Variants in ZNF273 observed in about 807,000 individuals in gnomAD.
ZNF273 encodes the protein zinc finger protein 273.
ZNF273 carries 11 observed loss-of-function variants against 14.9 expected under a neutral mutation model. The observed-to-expected ratio is 0.74, with a 90% confidence interval of 0.46 to 1.22. ZNF273 has a LOEUF of 1.22. Among genes scored for constraint, ZNF273 ranks in the 50% most tolerant of loss-of-function variants. The probability of loss-of-function intolerance (pLI) is 0.00; values close to 1 mark genes in which losing one functional copy is unlikely to be tolerated. For missense variants in ZNF273, 577 were observed against 660.6 expected (o/e 0.87, Z 1.39); for synonymous variants, 199 against 223.9 (o/e 0.89, Z 0.99).
At chr7:64,933,912 CTT>C (rs956064231), downstream of ZNF273, among the ~76,000 whole-genome samples, 5 of 152,084 alleles carry the variant, frequency 3.3e-5, no homozygotes, top group Non-Finnish European at 5.9e-5. Context: ...TTTCTTAGCA[CTT>C]TTCATTTTTT....
At chr7:64,903,106 C>T (rs1033111698), upstream of ZNF273, 13 of 468,720 alleles carry the variant, frequency 2.8e-5, no homozygotes, top group Non-Finnish European at 4.6e-5. Context: ...GTTTAGGTTT[C>T]ATTCTATCTT....
At chr7:64,923,779 T>C (rs1420513980) in intron 3 of ZNF273, 1 of 167,494 alleles carries the variant, frequency 6.0e-6, no homozygotes, top group Non-Finnish European at 1.3e-5. Context: ...ACCACATATG[T>C]GAAAGTATAT....
rs575692980 is a variant in ZNF273, at chr7:64,928,536, A to G, written c.1208A>G (p.Lys403Arg). ...GTTCATACTGGAGAGAAACCCTACAAATGTGAAGAATGTGGTAAAGCCTTT... is the reference window on the plus strand; with the variant it reads ...GTTCATACTGGAGAGAAACCCTACAGATGTGAAGAATGTGGTAAAGCCTTT... ...KIVHTGEKPYKCEECGKAFKR... is the reference protein window; with the variant it reads ...KIVHTGEKPYRCEECGKAFKR... The change falls in exon 4 of 4, where the codon AAA (lysine) becomes AGA (arginine). Residue 403 changes from lysine (K) to arginine (R), a missense_variant. This residue lies in a region of ZNF273 where 411 missense variants were observed against 440.4 expected (regional missense o/e 0.93). Coordinates refer to ENST00000476120, the MANE Select transcript of ZNF273 (RefSeq NM_021148.3). 1.1e-5 allele frequency: 17 copies of G among 1,613,988 alleles called. No individual in the cohort carries two copies. The South Asian group carries it at 1.8e-4, about 17-fold the overall frequency.
intron 3 of ZNF273, among the ~76,000 whole-genome samples, chr7:64,922,551 A>G (rs1481725449): frequency 6.6e-6 from 1 of 151,846 alleles, no homozygotes; most frequent in African/African-American, 2.4e-5. Context: ...ACCTCAAGTG[A>G]TCCTCCTGCC....
intron 1 of ZNF273, among the ~76,000 whole-genome samples, chr7:64,913,880 T>G (rs189559876): frequency 1.3e-5 from 2 of 152,176 alleles, no homozygotes; most frequent in Non-Finnish European, 1.5e-5. Context: ...AGGCTTCTAA[T>G]GAGGATTACA....
At chr7:64,933,291 A>T (rs750137309), downstream of ZNF273, 4 of 151,998 alleles carry the variant, frequency 2.6e-5, no homozygotes, top group Non-Finnish European at 4.4e-5. Context: ...CTTAATATAT[A>T]TTTTTTTGGT....
downstream of ZNF273, among the ~76,000 whole-genome samples, chr7:64,890,506 C>T (rs1791941536): frequency 1.3e-5 from 2 of 152,116 alleles, no homozygotes; most frequent in Non-Finnish European, 1.5e-5. Flanking sequence ...GACGAACTCC[C>T]TTCCCAACAC....
chr7:64,896,750 A>G (rs1462428660), intron 3 of ZNF273, among the ~76,000 whole-genome samples: 1 of 152,196 alleles, frequency 6.6e-6, no homozygotes, highest in African/African-American at 2.4e-5. Context: ...TCATGACCCA[A>G]ATCAAGCTCA....
At chr7:64,904,567 A>G in intron 1 of ZNF273, among the ~76,000 whole-genome samples, 1 of 152,006 alleles carries the variant, frequency 6.6e-6, no homozygotes, top group East Asian at 1.9e-4. Context: ...CTTCAGCCTA[A>G]CTCTGGCTTG....
downstream of ZNF273, chr7:64,933,728 C>A (rs1795036556): frequency 6.6e-6 from 1 of 152,130 alleles, no homozygotes; most frequent in Non-Finnish European, 1.5e-5. Flanking sequence ...ACATTATTAT[C>A]TTTCTATAAT....
At chr7:64,878,489 G>C (rs13236784) in exon 2 of ZNF273, 6 of 152,206 alleles carry the variant, frequency 3.9e-5, no homozygotes, top group African/African-American at 1.4e-4. Context: ...GGAGAGGTCC[G>C]ATACGGGTGA....
At chr7:64,922,810 C>T (rs1046440676) in intron 3 of ZNF273, among the ~76,000 whole-genome samples, 6 of 151,754 alleles carry the variant, frequency 4.0e-5, no homozygotes, top group South Asian at 2.1e-4. Context: ...ACTAAAAATA[C>T]GAAACATTAG....
chr7:64,914,180 G>GTTTTTTTTT lies in ZNF273; in HGVS notation c.103-3400_103-3399insTTTTTTTTT, dbSNP rs1793773323. On this transcript the variant is annotated intron_variant, in intron 1 of 3. Transcript: ENST00000476120. Reference sequence around the variant, plus strand: ...GCACCACTACGTCCTGGTAATTTTTGTATTTTTTTTTTTTTTTTTTTTTTT... The same window carrying GTTTTTTTTT: ...GCACCACTACGTCCTGGTAATTTTTGTTTTTTTTTTATTTTTTTTTTTTTTTTTTTTTTT... 7.9e-5 allele frequency among the ~76,000 whole-genome samples: 5 copies of GTTTTTTTTT among 63,072 alleles called. 2 individuals are homozygous for GTTTTTTTTT. Among genetic ancestry groups the GTTTTTTTTT allele is most frequent in the African/African-American group, 6.5e-5 (1 of 15,454 alleles). 41.4% of individuals were successfully genotyped at this position (63,072 alleles called of 152,430 possible). A position where few individuals can be genotyped will look rare whatever the true frequency, so the allele number is the denominator to read the frequency against.
At chr7:64,906,983 T>A (rs1359278571) in intron 1 of ZNF273, among the ~76,000 whole-genome samples, 3 of 152,210 alleles carry the variant, frequency 2.0e-5, no homozygotes, top group Non-Finnish European at 4.4e-5. Flanking sequence ...TTAGATTTTA[T>A]ATCAGAGAAT....
upstream of ZNF273, among the ~76,000 whole-genome samples, chr7:64,903,070 A>AG (rs1474485072): frequency 6.6e-6 from 1 of 152,202 alleles, no homozygotes; most frequent in Non-Finnish European, 1.5e-5. Flanking sequence ...CAGTTCAGGG[A>AG]GGAAGCCCTG....
At chr7:64,883,359 C>T (rs1444860589), downstream of ZNF273, among the ~76,000 whole-genome samples, 2 of 152,146 alleles carry the variant, frequency 1.3e-5, no homozygotes, top group Non-Finnish European at 2.9e-5. Context: ...CTTGAATCCA[C>T]CTCGAATTCG....
upstream of ZNF273, among the ~76,000 whole-genome samples, chr7:64,900,423 T>C (rs1447795142): frequency 6.6e-6 from 1 of 152,200 alleles, no homozygotes; most frequent in Non-Finnish European, 1.5e-5. Context: ...AGAAATTGTT[T>C]AGGCAGATAG....
intron 3 of ZNF273, among the ~76,000 whole-genome samples, chr7:64,918,705 G>A (rs1233279257): frequency 7.6e-5 from 11 of 145,428 alleles, no homozygotes; most frequent in Non-Finnish European, 1.5e-4. Flanking sequence ...TTGGGAAGCT[G>A]CGTTCAAAAA....
chr7:64,886,647 C>T (rs1056136698), intron 1 of ZNF273, among the ~76,000 whole-genome samples: 3 of 152,160 alleles, frequency 2.0e-5, no homozygotes, highest in African/African-American at 7.2e-5. Context: ...GAGGTAATCC[C>T]CAATCTCCAT....
Sources: allele counts gnomAD v4.1 joint callset (sites outside exome capture counted in the v4.1 genomes callset), GRCh38; gene constraint gnomAD v4.1.1; regional missense constraint gnomAD v4.1.1; transcripts MANE v1.5; gene names NCBI Gene and HGNC (gene_info 2026-07-23, HGNC 2026-07-21).